GINS1: variants seen among roughly 807,000 people sequenced by gnomAD.
GINS1 encodes the protein GINS complex subunit 1.
A neutral mutation model predicts 34.9 loss-of-function variants in GINS1; 26 were observed. That is an observed-to-expected ratio of 0.74 (90% CI 0.55 to 1.03). The LOEUF is 1.03. GINS1 is among the 50% of genes least tolerant of loss of function. GINS1 has a pLI of 0.00. For missense variants in GINS1, 235 were observed against 237.9 expected, an observed-to-expected ratio of 0.99 and a Z score of 0.08; for synonymous variants, 97 against 84.4, an observed-to-expected ratio of 1.15 and a Z score of -0.82.
intron 4 of GINS1, among the ~76,000 whole-genome samples, chr20:25,419,420 A>G (rs2090341369): frequency 6.6e-6 from 1 of 151,996 alleles, no homozygotes; most frequent in Non-Finnish European, 1.5e-5. Context: ...TTGTTGTCAT[A>G]GCTTCATTTT....
chr20:25,417,252 C>T (rs997288934), intron 3 of GINS1, 50 bp downstream of exon 3: 2 of 837,566 alleles, frequency 2.4e-6, no homozygotes, highest in Admixed American at 1.8e-5. Context: ...TGTGTGGCTT[C>T]CCAGTTGACC....
At chr20:25,422,718 C>A (rs1420448158) in intron 4 of GINS1, among the ~76,000 whole-genome samples, 1 of 152,204 alleles carries the variant, frequency 6.6e-6, no homozygotes, top group Non-Finnish European at 1.5e-5. Flanking sequence ...ATGACTTTCA[C>A]TAAATGTAAT....
intron 5 of GINS1, among the ~76,000 whole-genome samples, chr20:25,431,223 CTT>C (rs1381344746): frequency 5.9e-5 from 9 of 152,164 alleles, no homozygotes; most frequent in African/African-American, 1.2e-4. Context: ...TCTTAGAACT[CTT>C]TTTATTTCTG....
intron 5 of GINS1, among the ~76,000 whole-genome samples, chr20:25,431,038 C>G (rs555230067): frequency 6.6e-6 from 1 of 152,258 alleles, no homozygotes; most frequent in East Asian, 1.9e-4. Context: ...GCCATCAGCT[C>G]TAGGGTTTTC....
chr20:25,447,355 A>G lies in GINS1; in HGVS notation c.*1364A>G, dbSNP rs1389762312. On this transcript the variant is annotated 3_prime_UTR_variant, in exon 7 of 7. Coordinates refer to ENST00000262460, the MANE Select transcript of GINS1 (RefSeq NM_021067.5). ...CCAGCCTATGATCCATTTTGAATGA[A>G]TTTTTTATATGGTGCAAGGTGTCAA... 6.6e-6 allele frequency: 1 copy of G among 152,088 alleles called. No homozygotes were observed. Among genetic ancestry groups the G allele is most frequent in the Non-Finnish European group, 1.5e-5 (1 of 68,006 alleles). The allele number at this position is 152,088 out of a possible 1,614,324, so 9.4% of individuals were successfully genotyped here. A position where few individuals can be genotyped will look rare whatever the true frequency, so the allele number is the denominator to read the frequency against.
At chr20:25,428,089 TC>T in intron 5 of GINS1, among the ~76,000 whole-genome samples, 1 of 152,158 alleles carries the variant, frequency 6.6e-6, no homozygotes, top group East Asian at 1.9e-4. Context: ...GCCAGGCTGG[TC>T]TTGAAATCCT....
At chr20:25,445,895 C>T in intron 6 of GINS1, 28 bp from the exon 7 acceptor site, 1 of 1,402,300 alleles carries the variant, frequency 7.1e-7, no homozygotes, top group Non-Finnish European at 1.0e-6. Flanking sequence ...TTATTTTACT[C>T]TTTCTCCATC....
chr20:25,417,131 T>A lies in GINS1; in HGVS notation c.168T>A (p.Ser56Arg), dbSNP rs769000272. ...ATGAAGCAAAGTCAGGTGGACGAAG[T>A]GATTTGATACCAACTATCAAATTTC... The part of the protein sequence containing the change: ...DVNEAKSGGR[S>R]DLIPTIKFRH... Residue 56 changes from serine to arginine, a missense_variant, in exon 3 of 7, where the codon AGT (serine) becomes AGA (arginine). By Grantham distance (110) the Ser-to-Arg change is moderately radical (BLOSUM62 -1). Coordinates refer to ENST00000262460, the MANE Select transcript of GINS1 (RefSeq NM_021067.5). The A allele has an allele frequency of 6.3e-7, 1 of 1,582,260 alleles. No homozygotes were observed. Among genetic ancestry groups the A allele is most frequent in the Non-Finnish European group, 8.7e-7 (1 of 1,151,768 alleles).
At position 25,407,732 on chromosome 20, in the gene GINS1, A is replaced by G; in HGVS notation, c.-89A>G. On this transcript the variant is annotated 5_prime_UTR_variant, in exon 1 of 7. Transcript: ENST00000262460. The stretch of plus-strand genomic sequence containing the variant: ...GAGAGCCTGGCGCTGTAGGACTAGA[A>G]CGAAAGGAGTGAGGCGCCGAGAGCC... 1 of 1,012,270 alleles carries G rather than the reference A, an allele frequency of 9.9e-7. No individual in the cohort carries two copies. Among genetic ancestry groups the G allele is most frequent in the Non-Finnish European group, 1.5e-6 (1 of 647,152 alleles). 62.7% of individuals were successfully genotyped at this position (1,012,270 alleles called of 1,614,324 possible). A position where few individuals can be genotyped will look rare whatever the true frequency, so the allele number is the denominator to read the frequency against.
At chr20:25,420,748 C>G (rs1293855967) in intron 4 of GINS1, 8 of 452,722 alleles carry the variant, frequency 1.8e-5, no homozygotes, top group African/African-American at 1.8e-4. Flanking sequence ...CACCACTGCA[C>G]TCTGGTCTGG....
rs534850064 is a variant in GINS1 at position 25,432,893 on chromosome 20, A to G, written c.447+7566A>G. On this transcript the variant is annotated intron_variant, in intron 5 of 6. Transcript: ENST00000262460. ...ACTTATATAATAACATTATATATTA[A>G]TATATATTCTATAATATATAATAGT... 4.7e-5 allele frequency among the ~76,000 whole-genome samples: 7 copies of G among 148,512 alleles called. No individual in the cohort carries two copies. The East Asian group carries it at 1.4e-3, about 29-fold the overall frequency.
intron 5 of GINS1, among the ~76,000 whole-genome samples, chr20:25,432,436 G>C (rs1219232555): frequency 6.6e-6 from 1 of 151,798 alleles, no homozygotes; most frequent in African/African-American, 2.4e-5. Context: ...CCAAGTGGCT[G>C]GGATTATAGG....
At chr20:25,437,049 A>G (rs934459713) in intron 5 of GINS1, among the ~76,000 whole-genome samples, 1 of 152,160 alleles carries the variant, frequency 6.6e-6, no homozygotes, top group Non-Finnish European at 1.5e-5. Flanking sequence ...GGTTTTCTCA[A>G]ATCTTTATTG....
chr20:25,413,782 T>C lies in GINS1; in HGVS notation c.76-8T>C, dbSNP rs144360341. The C allele has an allele frequency of 1.3e-6, 2 of 1,532,658 alleles. No homozygotes were observed. Among genetic ancestry groups the C allele is most frequent in the African/African-American group, 1.4e-5 (1 of 73,544 alleles). 94.9% of individuals were successfully genotyped at this position (1,532,658 alleles called of 1,614,324 possible). A position where few individuals can be genotyped will look rare whatever the true frequency, so the allele number is the denominator to read the frequency against. On this transcript the variant is annotated splice_polypyrimidine_tract_variant and splice_region_variant and intron_variant, in intron 1 of 6. Transcript: ENST00000262460. ...CAGTGGATTTCAATATCGGTTTATA[T>C]GTTCTAGGAGGATGGACTCAGACAA...
intron 5 of GINS1, among the ~76,000 whole-genome samples, chr20:25,441,465 G>A (rs564410762): frequency 5.3e-5 from 8 of 152,186 alleles, no homozygotes; most frequent in African/African-American, 1.2e-4. Context: ...TCCCTGCATC[G>A]CCTTGCTGTC....
intron 5 of GINS1, among the ~76,000 whole-genome samples, chr20:25,440,190 G>A (rs1041695593): frequency 9.9e-5 from 15 of 151,842 alleles, no homozygotes; most frequent in Non-Finnish European, 2.1e-4. Flanking sequence ...TGGTAGAGGC[G>A]GGGTTTCACC....
chr20:25,428,648 C>T (rs560027275), intron 5 of GINS1, among the ~76,000 whole-genome samples: 14 of 151,860 alleles, frequency 9.2e-5, no homozygotes, highest in African/African-American at 3.1e-4. Context: ...TTGTGATCCG[C>T]CCACCTCGGC....
At chr20:25,408,935 T>C in intron 1 of GINS1, 1 of 983,402 alleles carries the variant, frequency 1.0e-6, no homozygotes, top group Non-Finnish European at 1.2e-6. Flanking sequence ...CAAAAACAGA[T>C]AATAGAATTC....
At chr20:25,426,390 C>G (rs1207421727) in intron 5 of GINS1, among the ~76,000 whole-genome samples, 1 of 151,894 alleles carries the variant, frequency 6.6e-6, no homozygotes, top group Non-Finnish European at 1.5e-5. Flanking sequence ...ATGGAGAAAC[C>G]CCGTCTCTAC....
Sources: allele counts gnomAD v4.1 joint callset (sites outside exome capture counted in the v4.1 genomes callset), GRCh38; gene constraint gnomAD v4.1.1; transcripts MANE v1.5; gene names NCBI Gene and HGNC (gene_info 2026-07-23, HGNC 2026-07-21).